Variants in CLNK observed in about 807,000 individuals in gnomAD.
The protein encoded by CLNK is cytokine dependent hematopoietic cell linker, also known as cytokine-dependent hematopoietic cell linker.
In CLNK, 74 loss-of-function variants were observed where a neutral mutation model predicts 68.6. The observed-to-expected ratio is 1.08, with a 90% CI of 0.89 to 1.31. The LOEUF (loss-of-function observed/expected upper bound fraction) is 1.31. Among genes scored for constraint, CLNK ranks in the 50% most tolerant of loss-of-function variants. The pLI is 0.00. For missense variants in CLNK, 553 were observed against 515.3 expected (o/e 1.07, Z -0.71); for synonymous variants, 198 against 172.2 (o/e 1.15, Z -1.17).
intron 2 of CLNK, among the ~76,000 whole-genome samples, chr4:10,624,596 T>C (rs796615519): frequency 2.6e-5 from 1 of 37,784 alleles, no homozygotes; most frequent in East Asian, 7.1e-4. Context: ...CCGGCCAGTT[T>C]TTTTTTTTTT....
intron 2 of CLNK, among the ~76,000 whole-genome samples, chr4:10,664,942 C>A (rs572456619): frequency 1.3e-5 from 2 of 152,326 alleles, no homozygotes; most frequent in East Asian, 3.9e-4. Context: ...AGGCCAGCAG[C>A]AATCCCATAC....
intron 11 of CLNK, among the ~76,000 whole-genome samples, chr4:10,533,662 T>C (rs1454520789): frequency 6.6e-6 from 1 of 152,176 alleles, no homozygotes; most frequent in African/African-American, 2.4e-5. Context: ...ATAGAGGTAA[T>C]GAAGTAGAAC....
chr4:10,663,927 C>T (rs1481464709), intron 2 of CLNK, among the ~76,000 whole-genome samples: 10 of 152,128 alleles, frequency 6.6e-5, no homozygotes, highest in African/African-American at 9.7e-5. Flanking sequence ...AGCAAGCAGA[C>T]GGCTGTCTAT....
chr4:10,583,796 T>C (rs746014272), intron 4 of CLNK, among the ~76,000 whole-genome samples: 33 of 152,186 alleles, frequency 2.2e-4, no homozygotes, highest in Non-Finnish European at 4.7e-4. Context: ...TCTCTGTGCC[T>C]TAACCAAGGT....
chr4:10,533,006 C>T (rs1282556274), intron 11 of CLNK, among the ~76,000 whole-genome samples: 1 of 152,158 alleles, frequency 6.6e-6, no homozygotes, highest in Non-Finnish European at 1.5e-5. Context: ...GCCTGTGATC[C>T]CAGCACTTTG....
chr4:10,522,588 AAAG>A (rs1358164604), intron 14 of CLNK, among the ~76,000 whole-genome samples: 8 of 151,106 alleles, frequency 5.3e-5, no homozygotes, highest in Admixed American at 1.3e-4. Flanking sequence ...AAAAAAAAAA[AAAG>A]AAAGAAAGAA....
At chr4:10,615,028 A>C (rs1257616749) in intron 2 of CLNK, among the ~76,000 whole-genome samples, 3 of 152,128 alleles carry the variant, frequency 2.0e-5, no homozygotes, top group African/African-American at 7.2e-5. Context: ...TCTACTAAAA[A>C]TACAAAAATT....
chr4:10,734,750 G>C, the CLNK span, among the ~76,000 whole-genome samples: 1 of 152,172 alleles, frequency 6.6e-6, no homozygotes, highest in Non-Finnish European at 1.5e-5. Context: ...TATTTGATGA[G>C]TACAGTGGTC....
chr4:10,548,327 C>A (rs1364766140), intron 8 of CLNK, among the ~76,000 whole-genome samples: 1 of 152,180 alleles, frequency 6.6e-6, no homozygotes, highest in African/African-American at 2.4e-5. Flanking sequence ...CACCCAGATC[C>A]TTTGGACATC....
intron 1 of CLNK, among the ~76,000 whole-genome samples, chr4:10,671,724 C>T (rs1018050129): frequency 6.6e-6 from 1 of 152,200 alleles, no homozygotes; most frequent in Non-Finnish European, 1.5e-5. Context: ...TCCCCCATCT[C>T]CCCACCTCAG....
In CLNK at chr4:10,489,239, T is replaced by C. The variant is rs1474426675; in HGVS notation, c.*1228A>G. On this transcript the variant is annotated 3_prime_UTR_variant, in exon 19 of 19. Coordinates refer to ENST00000226951, the MANE Select transcript of CLNK (RefSeq NM_052964.4). Reference sequence around the variant, plus strand: ...TCGAGCCTCTGTTTCCTCATCTTTATTGTAAAACAATAATAAAATTAAATC... The same window carrying C: ...TCGAGCCTCTGTTTCCTCATCTTTACTGTAAAACAATAATAAAATTAAATC... 1.3e-5 allele frequency: 2 copies of C among 152,210 alleles called. No homozygotes were observed. The highest frequency in any genetic ancestry group is 1.3e-4 in the Admixed American group (2 of 15,282). 9.4% of individuals were successfully genotyped at this position (152,210 alleles called of 1,614,324 possible). A position where few individuals can be genotyped will look rare whatever the true frequency, so the allele number is the denominator to read the frequency against.
chr4:10,733,706 T>C, the CLNK span, among the ~76,000 whole-genome samples: 1 of 152,248 alleles, frequency 6.6e-6, no homozygotes, highest in Non-Finnish European at 1.5e-5. Context: ...CCATCTTCTT[T>C]TGCTGGCTGT....
intron 2 of CLNK, among the ~76,000 whole-genome samples, chr4:10,603,655 C>A (rs139766229): frequency 8.5e-5 from 13 of 152,188 alleles, no homozygotes; most frequent in Admixed American, 8.5e-4. Context: ...GATGCAGTTG[C>A]AACAGAGGCC....
At chr4:10,500,602 C>T (rs1004920665) in intron 18 of CLNK, among the ~76,000 whole-genome samples, 1 of 151,762 alleles carries the variant, frequency 6.6e-6, no homozygotes, top group African/African-American at 2.4e-5. Context: ...ATCACTTGAA[C>T]CTGGGAGGAG....
intron 2 of CLNK, among the ~76,000 whole-genome samples, chr4:10,623,722 T>C (rs536627816): frequency 5.2e-5 from 8 of 152,392 alleles, no homozygotes; most frequent in African/African-American, 1.9e-4. Flanking sequence ...CCCTGAACTG[T>C]AGGGACTCCT....
chr4:10,678,221 G>C (rs1317021008), intron 1 of CLNK, among the ~76,000 whole-genome samples: 3 of 152,192 alleles, frequency 2.0e-5, no homozygotes, highest in Admixed American at 2.0e-4. Flanking sequence ...TGTACAACTT[G>C]AGTCTCAGCT....
chr4:10,692,775 A>G, the CLNK span, among the ~76,000 whole-genome samples: 1 of 152,130 alleles, frequency 6.6e-6, no homozygotes, highest in Non-Finnish European at 1.5e-5. Flanking sequence ...GAGGCTTGGG[A>G]TTTATCTGTA....
intron 15 of CLNK, among the ~76,000 whole-genome samples, chr4:10,518,683 A>G (rs1441331854): frequency 6.6e-6 from 1 of 152,188 alleles, no homozygotes; most frequent in Non-Finnish European, 1.5e-5. Context: ...TTATCAAAGA[A>G]TTGAGCCAAA....
intron 2 of CLNK, among the ~76,000 whole-genome samples, chr4:10,606,430 C>CTT (rs1000727310): frequency 6.9e-6 from 1 of 145,884 alleles, no homozygotes; most frequent in Non-Finnish European, 1.5e-5. Flanking sequence ...TTACAGTTAA[C>CTT]TTTTTTTTTT....
Sources: allele counts gnomAD v4.1 joint callset (sites outside exome capture counted in the v4.1 genomes callset), GRCh38; gene constraint gnomAD v4.1.1; transcripts MANE v1.5; gene names NCBI Gene and HGNC (gene_info 2026-07-23, HGNC 2026-07-21).